SGSM1: variants seen among roughly 807,000 people sequenced by gnomAD.
SGSM1 encodes RUN and TBC1 domain containing 2.
A neutral mutation model predicts 133.8 loss-of-function variants in SGSM1; 73 were observed. That is an observed-to-expected ratio of 0.55 (90% CI 0.45 to 0.66). SGSM1 has a LOEUF of 0.66. Ranked by LOEUF, SGSM1 falls within the 30% of genes least tolerant of loss-of-function variation. The probability of loss-of-function intolerance (pLI) is 0.00; values close to 1 mark genes in which losing one functional copy is unlikely to be tolerated. For missense variants in SGSM1, 1,213 were observed against 1,448.1 expected (o/e 0.84, Z 2.64); for synonymous variants, 563 against 573.0 (o/e 0.98, Z 0.25).
chr22:24,819,453 A>G (rs1373119012), intron 2 of SGSM1, among the ~76,000 whole-genome samples: 1 of 152,212 alleles, frequency 6.6e-6, no homozygotes, highest in Non-Finnish European at 1.5e-5. Flanking sequence ...GCATTAGTGT[A>G]TGTAATGTCA....
intron 12 of SGSM1, among the ~76,000 whole-genome samples, chr22:24,874,071 C>A (rs574165702): frequency 6.6e-6 from 1 of 152,262 alleles, no homozygotes; most frequent in African/African-American, 2.4e-5. Context: ...TACTGCCTGG[C>A]AGGGCTTTGG....
At chr22:24,917,467 T>C (rs527550633) in intron 22 of SGSM1, among the ~76,000 whole-genome samples, 191 bp from the exon 23 acceptor site, 1 of 152,226 alleles carries the variant, frequency 6.6e-6, no homozygotes, top group Non-Finnish European at 1.5e-5. Flanking sequence ...GCATCTTTCA[T>C]ATGCCGCTTG....
chr22:24,852,989 G>A (rs1273098322), intron 5 of SGSM1, among the ~76,000 whole-genome samples: 1 of 152,208 alleles, frequency 6.6e-6, no homozygotes, highest in Non-Finnish European at 1.5e-5. Context: ...AGATTACGAT[G>A]ATGTTGCCAC....
Position 24,855,691 on chromosome 22 carries a change from A to G in SGSM1, c.801+11A>G. 1.2e-6 allele frequency: 2 copies of G among 1,613,972 alleles called. No homozygotes were observed. Among genetic ancestry groups the G allele is most frequent in the African/African-American group, 1.3e-5 (1 of 75,042 alleles). ...GTTCTTGTTCAGCCGGTGAGAGGTT[A>G]TCTTGGGCCTAGATCTTGCACTGAG... On this transcript the variant is annotated intron_variant, in intron 8 of 24. Coordinates refer to ENST00000400358, the MANE Select transcript of SGSM1 (RefSeq NM_001098497.3).
At chr22:24,812,288 C>G (rs898787632) in intron 2 of SGSM1, among the ~76,000 whole-genome samples, 1 of 152,142 alleles carries the variant, frequency 6.6e-6, no homozygotes, top group Non-Finnish European at 1.5e-5. Context: ...TGAGCATTAT[C>G]CCCTTCACTC....
rs112436993 is a variant in SGSM1, at chr22:24,915,113, T to C, written c.2928+2361T>C. ...GCGCGGTGGCGGGCGCCTGTAGTCC[T>C]AGCTACTCCGGAGGCTGAGATAGGA... On this transcript the variant is annotated intron_variant, in intron 22 of 24. Transcript: ENST00000400358. Among the ~76,000 whole-genome samples the C allele has an allele frequency of 2.4e-4, 37 of 152,150 alleles. 1 individual carries two copies. The highest frequency in any genetic ancestry group is 8.3e-4 in the South Asian group (4 of 4,812).
intron 17 of SGSM1, 149 bp from the exon 18 acceptor site, chr22:24,895,074 A>G: frequency 1.3e-6 from 1 of 761,288 alleles, no homozygotes; most frequent in Non-Finnish European, 2.2e-6. Flanking sequence ...TTCATTTTAC[A>G]GCTAGGAAAC....
chr22:24,831,754 C>T (rs1818963440), intron 2 of SGSM1, among the ~76,000 whole-genome samples: 1 of 152,234 alleles, frequency 6.6e-6, no homozygotes, highest in Non-Finnish European at 1.5e-5. Context: ...GCTTTGCCAA[C>T]AGCCGGCCTG....
At chr22:24,923,401 G>T (rs79045673) in intron 24 of SGSM1, among the ~76,000 whole-genome samples, 5 of 152,000 alleles carry the variant, frequency 3.3e-5, no homozygotes, top group Non-Finnish European at 7.4e-5. Flanking sequence ...AAATGTCTAC[G>T]TTTAGGATTA....
chr22:24,920,003 T>C lies in SGSM1; in HGVS notation c.3193+10T>C, dbSNP rs1392932188. 6.3e-7 allele frequency: 1 copy of C among 1,585,150 alleles called. No individual in the cohort carries two copies. Among genetic ancestry groups the C allele is most frequent in the South Asian group, 1.1e-5 (1 of 86,978 alleles). ...ATCAAATTCTTTAATGGTACCCACA[T>C]GACTGGGGCCTCATGAGAGGGGTGC... On this transcript the variant is annotated intron_variant, in intron 24 of 24. Coordinates refer to ENST00000400358, the MANE Select transcript of SGSM1 (RefSeq NM_001098497.3).
chr22:24,868,990 T>C, intron 12 of SGSM1, 135 bp downstream of exon 12: 2 of 1,337,874 alleles, frequency 1.5e-6, no homozygotes, highest in Non-Finnish European at 2.0e-6. Flanking sequence ...GAAAGTCGGT[T>C]TCTTGGCAGC....
chr22:24,873,913 G>A lies in SGSM1; in HGVS notation c.1292-2664G>A, dbSNP rs139926377. Among the ~76,000 whole-genome samples the A allele has an allele frequency of 3.0e-3, 450 of 152,188 alleles. 3 individuals are homozygous for A. Among genetic ancestry groups the A allele is most frequent in the African/African-American group, 9.7e-3 (402 of 41,520 alleles). On this transcript the variant is annotated intron_variant, in intron 12 of 24. Transcript: ENST00000400358. Reference sequence around the variant, plus strand: ...TCTTGGCTCCTCTCCTCATTAGCTGGGTGGTTTTGGGCATGTTGCTTAAAC... The same window carrying A: ...TCTTGGCTCCTCTCCTCATTAGCTGAGTGGTTTTGGGCATGTTGCTTAAAC...
At chr22:24,916,570 C>T (rs573405964) in intron 22 of SGSM1, among the ~76,000 whole-genome samples, 16 of 152,122 alleles carry the variant, frequency 1.1e-4, no homozygotes, top group Admixed American at 8.5e-4. Context: ...TGGTGGCGGG[C>T]GCCTGTAATC....
At chr22:24,895,953 G>A (rs1932904720) in intron 18 of SGSM1, among the ~76,000 whole-genome samples, 1 of 152,088 alleles carries the variant, frequency 6.6e-6, no homozygotes, top group South Asian at 2.1e-4. Flanking sequence ...GGAGGCTAAG[G>A]TGGGAGAATC....
At chr22:24,835,718 A>G (rs759275380) in intron 2 of SGSM1, among the ~76,000 whole-genome samples, 2 of 151,984 alleles carry the variant, frequency 1.3e-5, no homozygotes, top group Non-Finnish European at 2.9e-5. Flanking sequence ...GGAGCTGGGC[A>G]AGCAGCAAGG....
rs1369035934 is a variant in SGSM1, at chr22:24,912,708, G to T, written c.2884G>T (p.Gly962Cys). ...GATGAACCAGAACTTCCCCCACGGA[G>T]GCGCCATGGACACGCACTTTGCAAA... is the stretch of plus-strand genomic sequence containing the variant. ...KRMNQNFPHG[G>C]AMDTHFANMR... The change falls in exon 22 of 25, where the codon GGC becomes TGC. Residue 962 changes from glycine to cysteine, a missense_variant. Coordinates refer to ENST00000400358, the MANE Select transcript of SGSM1 (RefSeq NM_001098497.3). 6.2e-7 allele frequency: 1 copy of T among 1,613,714 alleles called. No homozygotes were observed. Among genetic ancestry groups the T allele is most frequent in the African/African-American group, 1.3e-5 (1 of 74,912 alleles).
intron 2 of SGSM1, among the ~76,000 whole-genome samples, chr22:24,814,810 T>C (rs1927970530): frequency 6.6e-6 from 1 of 152,196 alleles, no homozygotes; most frequent in South Asian, 2.1e-4. Context: ...TGGAATTTAG[T>C]CAGAAGAGAT....
intron 12 of SGSM1, among the ~76,000 whole-genome samples, chr22:24,870,144 T>C (rs1013877387): frequency 6.6e-6 from 1 of 152,218 alleles, no homozygotes; most frequent in Admixed American, 6.5e-5. Context: ...TACAGTGTCC[T>C]GAAGTGTTCA....
chr22:24,810,404 C>T (rs917402733), intron 2 of SGSM1, among the ~76,000 whole-genome samples: 4 of 151,580 alleles, frequency 2.6e-5, no homozygotes, highest in African/African-American at 4.9e-5. Context: ...GTGGCCTCAG[C>T]GTGATTTCCT....
Sources: allele counts gnomAD v4.1 joint callset (sites outside exome capture counted in the v4.1 genomes callset), GRCh38; gene constraint gnomAD v4.1.1; transcripts MANE v1.5; gene names NCBI Gene and HGNC (gene_info 2026-07-23, HGNC 2026-07-21).